The following GRIK5 variants were observed in gnomAD, a reference collection of about 807,000 sequenced individuals.
The protein encoded by GRIK5 is glutamate ionotropic receptor kainate type subunit 5.
A neutral mutation model predicts 97.4 loss-of-function variants in GRIK5; 43 were observed. The ratio of observed to expected loss-of-function variants is 0.44; its 90% CI spans 0.35 to 0.57. The LOEUF (loss-of-function observed/expected upper bound fraction) is 0.57, where lower values mean the gene tolerates loss of function less well. Ranked by LOEUF, GRIK5 falls within the 20% of genes least tolerant of loss-of-function variation. The pLI, the probability that GRIK5 is intolerant of heterozygous loss-of-function variation, is 0.01. For synonymous variants in GRIK5, 580 were observed against 583.5 expected (o/e 0.99, Z 0.09); for missense variants, 1,015 against 1,382.0 (o/e 0.73, Z 4.21).
chr19:42,062,936 G>T lies in GRIK5; in HGVS notation c.245-81C>A. 9.6e-7 allele frequency: 1 copy of T among 1,044,664 alleles called. No homozygotes were observed. Among genetic ancestry groups the T allele is most frequent in the Non-Finnish European group, 1.5e-6 (1 of 675,048 alleles). 64.7% of individuals were successfully genotyped at this position (1,044,664 alleles called of 1,614,324 possible). A position where few individuals can be genotyped will look rare whatever the true frequency, so the allele number is the denominator to read the frequency against. On this transcript the variant is annotated intron_variant, in intron 3 of 19. Coordinates refer to ENST00000593562, the MANE Select transcript of GRIK5 (RefSeq NM_002088.5). The surrounding 1 kb of genome is among the most constrained non-coding windows in gnomAD (Gnocchi z 5.3). ...CCCCATCCCTCAGGGAGCCGCCATG[G>T]CCCAGGAGAGGATCAGACACTGGCA...
chr19:42,002,058 C>G lies in GRIK5; in HGVS notation c.2514+1274G>C. 3.0e-6 allele frequency: 2 copies of G among 673,830 alleles called. No individual in the cohort carries two copies. Among genetic ancestry groups the G allele is most frequent in the South Asian group, 3.4e-5 (2 of 59,182 alleles). 41.7% of individuals were successfully genotyped at this position (673,830 alleles called of 1,614,324 possible). The stretch of plus-strand genomic sequence containing the variant: ...AAGGGGCTTTGAGGATTGAGAGTGA[C>G]TGGCTGTGCCGAAGCCCACTGCTAC... On this transcript the variant is annotated intron_variant, in intron 19 of 19. Coordinates refer to ENST00000593562, the MANE Select transcript of GRIK5 (RefSeq NM_002088.5). The surrounding 1 kb of genome is among the most constrained non-coding windows in gnomAD (Gnocchi z 5.2).
intron 15 of GRIK5, among the ~76,000 whole-genome samples, chr19:42,020,968 C>T (rs1052083467): frequency 2.0e-5 from 3 of 152,180 alleles, no homozygotes; most frequent in African/African-American, 7.2e-5. Flanking sequence ...TCACTACAAC[C>T]TCCGCCTCCT....
intron 15 of GRIK5, among the ~76,000 whole-genome samples, chr19:42,015,756 T>C (rs771297093): frequency 1.7e-4 from 26 of 152,078 alleles, no homozygotes; most frequent in Admixed American, 1.3e-4. Context: ...AGCAACCACT[T>C]GTCTTACCGT....
Position 42,065,671 on chromosome 19 carries a change from C to A in GRIK5, c.79+21G>T. 2 of 1,546,042 alleles carry A rather than the reference C, an allele frequency of 1.3e-6. No homozygotes were observed. Among genetic ancestry groups the A allele is most frequent in the Admixed American group, 1.9e-5 (1 of 51,696 alleles). ...GCCCCAGGGCCTGAGGATGCAGGGG[C>A]AGGGTGCGGGAGGGCCTCACCCATG... On this transcript the variant is annotated intron_variant, in intron 2 of 19. Transcript: ENST00000593562. The surrounding 1 kb of genome is among the most constrained non-coding windows in gnomAD (Gnocchi z 5.8).
intron 11 of GRIK5, among the ~76,000 whole-genome samples, chr19:42,053,201 G>A (rs1334674783): frequency 6.6e-6 from 1 of 152,154 alleles, no homozygotes. Context: ...TGGCTGTGCC[G>A]GGTGCTTGCT....
chr19:42,044,374 A>G (rs544371994), intron 11 of GRIK5, among the ~76,000 whole-genome samples: 5 of 152,300 alleles, frequency 3.3e-5, no homozygotes, highest in African/African-American at 7.2e-5. Context: ...AAACAAACAC[A>G]GTTTCTAGTT....
intron 15 of GRIK5, among the ~76,000 whole-genome samples, chr19:42,011,504 GAT>G (rs2075561989): frequency 6.7e-6 from 1 of 148,516 alleles, no homozygotes; most frequent in African/African-American, 2.5e-5. Context: ...AGTGAGCCGA[GAT>G]CGCGCCACTG....
At chr19:42,001,832 T>C (rs2075426156) in intron 19 of GRIK5, 1 of 423,906 alleles carries the variant, frequency 2.4e-6, no homozygotes, top group African/African-American at 2.0e-5. Flanking sequence ...AATAGATAAC[T>C]AACACAAGAA....
chr19:42,062,458 C>A lies in GRIK5; in HGVS notation c.508+30G>T. 6.2e-7 allele frequency: 1 copy of A among 1,612,008 alleles called. No individual in the cohort carries two copies. The highest frequency in any genetic ancestry group is 1.1e-5 in the South Asian group (1 of 90,966). ...TCTTGGGAAGGGGTGTCTGGGGGAA[C>A]AGAAAACAAAACATTCAGTTCTCCC... is the stretch of plus-strand genomic sequence containing the variant. On this transcript the variant is annotated intron_variant, in intron 5 of 19. Coordinates refer to ENST00000593562, the MANE Select transcript of GRIK5 (RefSeq NM_002088.5). The surrounding 1 kb of genome is among the most constrained non-coding windows in gnomAD (Gnocchi z 5.3).
intron 11 of GRIK5, among the ~76,000 whole-genome samples, chr19:42,044,117 C>G (rs985436278): frequency 6.6e-6 from 1 of 152,106 alleles, no homozygotes; most frequent in African/African-American, 2.4e-5. Context: ...GGGCTCTTCC[C>G]CCTTCACTCG....
chr19:42,044,123 A>G (rs1467725267), intron 11 of GRIK5, among the ~76,000 whole-genome samples: 1 of 151,890 alleles, frequency 6.6e-6, no homozygotes, highest in East Asian at 1.9e-4. Context: ...TTCCCCCTTC[A>G]CTCGGCACAT....
intron 12 of GRIK5, among the ~76,000 whole-genome samples, chr19:42,040,735 TC>T (rs1356453942): frequency 2.0e-5 from 3 of 152,078 alleles, no homozygotes; most frequent in Non-Finnish European, 4.4e-5. Flanking sequence ...GCACCTGTAA[TC>T]CCAGCTACTC....
chr19:42,003,305 G>GGCC lies in GRIK5; in HGVS notation c.2514+26_2514+27insGGC. 3.7e-4 allele frequency: 576 copies of GGCC among 1,540,168 alleles called. No homozygotes were observed. The highest frequency in any genetic ancestry group is 4.7e-4 in the Non-Finnish European group (528 of 1,117,686). Reference sequence around the variant, plus strand: ...TCAGCCCCTGGGGGTCCCTGTTCCTGCCCACCCCCACCCCCAGCCTCCTCA... The same window carrying GGCC: ...TCAGCCCCTGGGGGTCCCTGTTCCTGGCCCCCACCCCCACCCCCAGCCTCCTCA... On this transcript the variant is annotated intron_variant, in intron 19 of 19. Transcript: ENST00000593562. The surrounding 1 kb of genome is among the most constrained non-coding windows in gnomAD (Gnocchi z 4.2).
Position 42,028,269 on chromosome 19 carries a change from TGG to T in GRIK5, c.1474-5917_1474-5916del, listed in dbSNP as rs35445622. On this transcript the variant is annotated intron_variant, in intron 12 of 19. Coordinates refer to ENST00000593562, the MANE Select transcript of GRIK5 (RefSeq NM_002088.5). ...TTGAATGACAAGTCACCTGTAATGATGGGGGGGGGGTGTCATCTAAATGCCCA... is the reference window on the plus strand; with the variant it reads ...TTGAATGACAAGTCACCTGTAATGATGGGGGGGGTGTCATCTAAATGCCCA... 4.9e-3 allele frequency among the ~76,000 whole-genome samples: 746 copies of T among 150,820 alleles called. 8 individuals carry two copies. Among genetic ancestry groups the T allele is most frequent in the African/African-American group, 0.015 (603 of 41,100 alleles).
At chr19:42,067,997 A>C (rs2076362072) in intron 1 of GRIK5, among the ~76,000 whole-genome samples, 1 of 152,226 alleles carries the variant, frequency 6.6e-6, no homozygotes, top group Non-Finnish European at 1.5e-5. Context: ...GGTGAGGGAG[A>C]AGGCAAAGGG....
intron 8 of GRIK5, among the ~76,000 whole-genome samples, chr19:42,055,292 T>C (rs2076168056): frequency 6.6e-6 from 1 of 152,166 alleles, no homozygotes; most frequent in Non-Finnish European, 1.5e-5. Flanking sequence ...CAAATGTGCC[T>C]CTGTGTTGGG....
chr19:42,014,420 C>T (rs2075601769), intron 15 of GRIK5, among the ~76,000 whole-genome samples: 3 of 151,926 alleles, frequency 2.0e-5, no homozygotes, highest in Admixed American at 2.0e-4. Flanking sequence ...AAAAATTTTA[C>T]TATCTGGCCC....
intron 15 of GRIK5, among the ~76,000 whole-genome samples, chr19:42,016,375 C>T (rs1327091851): frequency 6.6e-6 from 1 of 152,138 alleles, no homozygotes; most frequent in Non-Finnish European, 1.5e-5. Flanking sequence ...GAGCCGAGAT[C>T]GTGCCACTGC....
chr19:42,043,368 G>C (rs2076002924), intron 11 of GRIK5, among the ~76,000 whole-genome samples: 1 of 151,956 alleles, frequency 6.6e-6, no homozygotes, highest in South Asian at 2.1e-4. Context: ...TTCCCCATGA[G>C]GGAGGCAGGC....
Sources: gnomAD v4.1 joint callset for allele counts (sites outside exome capture counted in the v4.1 genomes callset) on GRCh38, gnomAD v4.1.1 for gene constraint, Gnocchi (gnomAD v3.1) non-coding constraint, MANE v1.5 for transcripts, NCBI Gene and HGNC (gene_info 2026-07-23, HGNC 2026-07-21) for gene names.